ADGB: variants seen among roughly 807,000 people sequenced by gnomAD.
ADGB encodes the protein androglobin, also known as calpain-7-like protein.
ADGB carries 172 observed loss-of-function variants against 210.5 expected under a neutral mutation model. That is an observed-to-expected ratio of 0.82 (90% confidence interval 0.72 to 0.93). The LOEUF (loss-of-function observed/expected upper bound fraction) is 0.93. Among genes scored for constraint, ADGB ranks in the 40% least tolerant of loss-of-function variants. The probability of loss-of-function intolerance (pLI) is 0.00; values close to 1 mark genes in which losing one functional copy is unlikely to be tolerated. For missense variants in ADGB, 2,025 were observed against 1,964.8 expected (o/e 1.03, Z -0.58); for synonymous variants, 658 against 662.7 (o/e 0.99, Z 0.11).
At chr6:146,671,254 G>A (rs566049525) in intron 7 of ADGB, among the ~76,000 whole-genome samples, 2 of 152,182 alleles carry the variant, frequency 1.3e-5, no homozygotes, top group South Asian at 2.1e-4. Context: ...CCTTAGAACA[G>A]CAAATGGCAG....
At chr6:146,608,717 C>T (rs2114827298) in intron 1 of ADGB, among the ~76,000 whole-genome samples, 1 of 152,170 alleles carries the variant, frequency 6.6e-6, no homozygotes, top group Non-Finnish European at 1.5e-5. Flanking sequence ...CTCCTTATAA[C>T]ACTGTGGTCC....
intron 28 of ADGB, among the ~76,000 whole-genome samples, 152 bp from the exon 29 acceptor site, chr6:146,768,866 CAG>C (rs1296162977): frequency 6.6e-6 from 1 of 152,102 alleles, no homozygotes; most frequent in South Asian, 2.1e-4. Context: ...TGTAGCGTTA[CAG>C]AGTTTTGGAG....
intron 13 of ADGB, among the ~76,000 whole-genome samples, chr6:146,706,497 A>G (rs1172312633): frequency 3.3e-5 from 5 of 152,038 alleles, no homozygotes; most frequent in South Asian, 2.1e-4. Flanking sequence ...TGACCTCGTC[A>G]TCCACCTGCC....
chr6:146,634,973 T>C (rs898274403), intron 1 of ADGB, among the ~76,000 whole-genome samples: 34 of 152,120 alleles, frequency 2.2e-4, no homozygotes, highest in Admixed American at 1.5e-3. Context: ...AAGCAATTTA[T>C]ACAAAGTATA....
At position 146,794,299 on chromosome 6, in the gene ADGB, T is replaced by G. The variant is rs373204259; in HGVS notation, c.4537+5689T>G. On this transcript the variant is annotated intron_variant, in intron 33 of 35. Coordinates refer to ENST00000397944, the MANE Select transcript of ADGB (RefSeq NM_024694.4). ...AAAGGTTGTGAGTTTATTGTTTTCA[T>G]TTTCCCATACTCCTAGAGTACTTGC... Among the ~76,000 whole-genome samples, 8 of 152,246 alleles carry G rather than the reference T, an allele frequency of 5.3e-5. No individual in the cohort carries two copies. The East Asian group carries it at 1.2e-3, about 22-fold the overall frequency.
chr6:146,658,173 A>G (rs1192226217), intron 5 of ADGB, among the ~76,000 whole-genome samples: 2 of 152,318 alleles, frequency 1.3e-5, no homozygotes, highest in African/African-American at 2.4e-5. Context: ...GGGCAAAGGG[A>G]AAAAGGTAAT....
chr6:146,758,914 C>T (rs117988830), intron 27 of ADGB, among the ~76,000 whole-genome samples: 14 of 151,986 alleles, frequency 9.2e-5, no homozygotes, highest in Non-Finnish European at 1.8e-4. Context: ...TATTATTGTA[C>T]ATTAGATAAT....
chr6:146,728,985 G>T (rs772802253), intron 20 of ADGB, among the ~76,000 whole-genome samples: 15 of 152,230 alleles, frequency 9.9e-5, no homozygotes, highest in Non-Finnish European at 2.1e-4. Context: ...GCTATGCAGG[G>T]TGTCCTGAGG....
At chr6:146,673,117 T>C (rs540884594) in intron 8 of ADGB, among the ~76,000 whole-genome samples, 5 of 152,308 alleles carry the variant, frequency 3.3e-5, no homozygotes, top group East Asian at 1.9e-4. Context: ...TAGTATTCTG[T>C]TGATTTAAAG....
Position 146,801,882 on chromosome 6 carries a change from A to C in ADGB, c.4689A>C (p.Ala1563=). Residue 1563 remains alanine (A), a synonymous_variant, in exon 35 of 36, where the codon GCA becomes GCC. Coordinates refer to ENST00000397944, the MANE Select transcript of ADGB (RefSeq NM_024694.4). ...LQTDELNQQQ[A]MQKAEEIHQF... ...CAGATGAATTGAATCAGCAGCAGGC[A>C]ATGCAAAAGGCGGAAGAAATTCATC... 1 of 1,550,936 alleles carries C rather than the reference A, an allele frequency of 6.4e-7. No homozygotes were observed. The highest frequency in any genetic ancestry group is 8.7e-7 in the Non-Finnish European group (1 of 1,146,628).
chr6:146,807,992 G>GTTTTTTT lies in ADGB; in HGVS notation c.4818+5997_4818+6003dup, dbSNP rs369961809. ...TAAAAATACTAATAACTATGCTTCAGTTTTTTTTTTTTTTTTTTTTTTCTG... is the reference window on the plus strand; with the variant it reads ...TAAAAATACTAATAACTATGCTTCAGTTTTTTTTTTTTTTTTTTTTTTTTTTTTTCTG... On this transcript the variant is annotated intron_variant, in intron 35 of 35. Coordinates refer to ENST00000397944, the MANE Select transcript of ADGB (RefSeq NM_024694.4). Among the ~76,000 whole-genome samples the GTTTTTTT allele has an allele frequency of 1.6e-4, 16 of 103,162 alleles. 1 individual carries two copies. Among genetic ancestry groups the GTTTTTTT allele is most frequent in the East Asian group, 3.2e-4 (1 of 3,132 alleles). The allele number at this position is 103,162 out of a possible 152,430, so 67.7% of individuals were successfully genotyped here. A position where few individuals can be genotyped will look rare whatever the true frequency, so the allele number is the denominator to read the frequency against.
chr6:146,666,188 A>G (rs767520198), intron 6 of ADGB, among the ~76,000 whole-genome samples: 5 of 152,094 alleles, frequency 3.3e-5, no homozygotes, highest in Non-Finnish European at 7.4e-5. Flanking sequence ...GAAGGGAGAT[A>G]TGGCATTTTT....
chr6:146,740,430 T>C (rs561235875), intron 23 of ADGB, 29 bp from the exon 24 acceptor site: 1 of 1,493,408 alleles, frequency 6.7e-7, no homozygotes, highest in African/African-American at 1.4e-5. Context: ...CTTTTGCCAT[T>C]GATACATAAT....
At chr6:146,776,561 C>T (rs955583453) in intron 29 of ADGB, among the ~76,000 whole-genome samples, 33 of 152,150 alleles carry the variant, frequency 2.2e-4, no homozygotes, top group Middle Eastern at 3.4e-3. Context: ...ACATACCTGC[C>T]GTGTGCCTGA....
chr6:146,676,476 T>C, intron 9 of ADGB, 35 bp downstream of exon 9: 2 of 1,294,896 alleles, frequency 1.5e-6, no homozygotes, highest in Non-Finnish European at 2.0e-6. Context: ...ATAACTATTT[T>C]AGTTGTTTCT....
At chr6:146,813,075 C>T (rs1447619607) in intron 35 of ADGB, among the ~76,000 whole-genome samples, 1 of 152,256 alleles carries the variant, frequency 6.6e-6, no homozygotes, top group East Asian at 1.9e-4. Context: ...ACCTGTCTCG[C>T]AGAAAATCCT....
chr6:146,811,000 A>T (rs923748077), intron 35 of ADGB, among the ~76,000 whole-genome samples: 2 of 152,168 alleles, frequency 1.3e-5, no homozygotes, highest in Admixed American at 6.5e-5. Context: ...TTTCCAAAAA[A>T]TTTTTTAAAG....
intron 7 of ADGB, 31 bp downstream of exon 7, chr6:146,666,933 A>G (rs1339427827): frequency 7.0e-7 from 1 of 1,437,142 alleles, no homozygotes; most frequent in Non-Finnish European, 9.5e-7. Flanking sequence ...GCTCATATCT[A>G]TTTTTTTTAT....
Position 146,647,088 on chromosome 6 carries a change from C to CAAAA in ADGB, c.330+2229_330+2232dup, listed in dbSNP as rs780260770. Among the ~76,000 whole-genome samples, 136 of 110,694 alleles carry CAAAA rather than the reference C, an allele frequency of 1.2e-3. 1 individual carries two copies. The highest frequency in any genetic ancestry group is 3.8e-3 in the African/African-American group (109 of 28,904). 72.6% of individuals were successfully genotyped at this position (110,694 alleles called of 152,430 possible). ...TGGGTGACAGAGTGAGAGCCTGTCT[C>CAAAA]AAAAAAAAACAAAAAACAAAAAACA... is the stretch of plus-strand genomic sequence containing the variant. On this transcript the variant is annotated intron_variant, in intron 3 of 35. Transcript: ENST00000397944.
Sources: gnomAD v4.1 joint callset for allele counts (sites outside exome capture counted in the v4.1 genomes callset) on GRCh38, gnomAD v4.1.1 for gene constraint, MANE v1.5 for transcripts, NCBI Gene and HGNC (gene_info 2026-07-23, HGNC 2026-07-21) for gene names.